The following ESR2 variants were observed in gnomAD, a reference collection of about 807,000 sequenced individuals.
The protein encoded by ESR2 is estrogen receptor beta.
In ESR2, 36 loss-of-function variants were observed where a neutral mutation model predicts 49.6. That is an observed-to-expected ratio of 0.73 (90% CI 0.56 to 0.96). ESR2 has a LOEUF of 0.96. ESR2 is among the 40% of genes least tolerant of loss of function. ESR2 has a pLI of 0.00. For synonymous variants in ESR2, 320 were observed against 266.1 expected (o/e 1.20, Z -1.97); for missense variants, 714 against 693.0 (o/e 1.03, Z -0.34).
chr14:64,273,678 A>T (rs2076495448), intron 3 of ESR2, among the ~76,000 whole-genome samples: 1 of 152,052 alleles, frequency 6.6e-6, no homozygotes, highest in South Asian at 2.1e-4. Flanking sequence ...AATCTTTTTA[A>T]CGTGTTGTTG....
Position 64,229,768 on chromosome 14 carries a change from A to T in ESR2, c.*3369T>A, listed in dbSNP as rs530497606. On this transcript the variant is annotated 3_prime_UTR_variant, in exon 9 of 9. Transcript: ENST00000341099. ...AAAATAAGGAAATAGCAGTTATTAT[A>T]ATAAGGATTAAATGTGAATGTCTGA... Among the ~76,000 whole-genome samples, 1 of 152,196 alleles carries T rather than the reference A, an allele frequency of 6.6e-6. No individual in the cohort carries two copies. The highest frequency in any genetic ancestry group is 6.5e-5 in the Admixed American group (1 of 15,290).
At chr14:64,279,513 A>G (rs1402314712) in intron 3 of ESR2, among the ~76,000 whole-genome samples, 1 of 152,234 alleles carries the variant, frequency 6.6e-6, no homozygotes, top group East Asian at 1.9e-4. Context: ...GTCTAGATCA[A>G]TTCTCAAAGT....
chr14:64,239,408 G>C (rs551836679), intron 7 of ESR2, among the ~76,000 whole-genome samples: 2 of 152,268 alleles, frequency 1.3e-5, no homozygotes, highest in South Asian at 4.2e-4. Flanking sequence ...ATGTAAAATA[G>C]GATTTCCTGG....
At chr14:64,233,561 T>C (rs971014281) in intron 8 of ESR2, 5 of 519,126 alleles carry the variant, frequency 9.6e-6, no homozygotes, top group South Asian at 3.1e-5. Context: ...GCCTGACACA[T>C]AGGACAATCA....
Position 64,249,651 on chromosome 14 carries a change from G to T in ESR2, c.1120C>A (p.Leu374Met), listed in dbSNP as rs1171165084. The part of the protein sequence containing the change: ...RDEGKCVEGI[L>M]EIFDMLLATT... ...GCCAGGAGCATGTCAAAGATTTCCA[G>T]AATTCCTTCTACGCATTTCCCCTCA... The change falls in exon 7 of 9, where the codon CTG becomes ATG. Residue 374 changes from leucine (L) to methionine (M), a missense_variant. Transcript: ENST00000341099. 1.9e-6 allele frequency: 3 copies of T among 1,613,768 alleles called. No individual in the cohort carries two copies. The African/African-American group carries it at 4.0e-5, about 22-fold the overall frequency.
At chr14:64,331,867 CAG>C (rs956277784) in intron 1 of ESR2, among the ~76,000 whole-genome samples, 15 of 149,446 alleles carry the variant, frequency 1.0e-4, no homozygotes, top group South Asian at 4.3e-4. Flanking sequence ...CAGTCTCCTT[CAG>C]AGAGTCCTTC....
chr14:64,271,475 G>A (rs2076445425), intron 3 of ESR2, among the ~76,000 whole-genome samples: 1 of 152,134 alleles, frequency 6.6e-6, no homozygotes, highest in Admixed American at 6.5e-5. Context: ...ACAGGCGCAT[G>A]CCGCCACACC....
chr14:64,292,784 A>T (rs1200037249), intron 1 of ESR2, among the ~76,000 whole-genome samples: 3 of 152,222 alleles, frequency 2.0e-5, no homozygotes, highest in African/African-American at 7.2e-5. Flanking sequence ...AATGTTAATT[A>T]TATGGTTATG....
chr14:64,246,763 A>AAAAAC (rs2075868780), intron 7 of ESR2, among the ~76,000 whole-genome samples: 2 of 144,368 alleles, frequency 1.4e-5, no homozygotes, highest in African/African-American at 5.2e-5. Flanking sequence ...AAAAAAAAAA[A>AAAAAC]AAAACACACC....
chr14:64,336,224 A>AT (rs2077530717), intron 1 of ESR2: 1 of 152,124 alleles, frequency 6.6e-6, no homozygotes, highest in African/African-American at 2.4e-5. Flanking sequence ...ACATATTAAT[A>AT]TTTTTGTAGG....
rs1201526468 is a variant in ESR2 at position 64,321,911 on chromosome 14, C to T, written c.-91+15987G>A. 3.9e-5 allele frequency among the ~76,000 whole-genome samples: 6 copies of T among 152,074 alleles called. No individual in the cohort carries two copies. In the South Asian group the frequency reaches 1.2e-3, roughly 32 times the overall value. ...ACAATAGACACTGGGGACTACCAGA[C>T]ATGGGAGAGAGGGGACATGGGATGC... On this transcript the variant is annotated intron_variant, in intron 1 of 8. Coordinates refer to the ESR2 transcript ENST00000358599.
chr14:64,251,035 T>C (rs560289725), intron 6 of ESR2, among the ~76,000 whole-genome samples: 1 of 152,234 alleles, frequency 6.6e-6, no homozygotes, highest in East Asian at 1.9e-4. Flanking sequence ...TGGAAGTCAC[T>C]CATAGGAAAA....
upstream of ESR2, among the ~76,000 whole-genome samples, chr14:64,299,324 G>A (rs1238800180): frequency 6.6e-6 from 1 of 150,514 alleles, no homozygotes; most frequent in Non-Finnish European, 1.5e-5. Flanking sequence ...ATCATGGAAA[G>A]TTACTATAAC....
chr14:64,311,856 A>G (rs1308701312), intron 1 of ESR2, among the ~76,000 whole-genome samples: 2 of 152,110 alleles, frequency 1.3e-5, no homozygotes, highest in African/African-American at 4.8e-5. Flanking sequence ...TAAATAATGA[A>G]GTTCTCCAAA....
intron 2 of ESR2, 111 bp from the exon 3 acceptor site, chr14:64,280,264 G>A (rs1355537541): frequency 1.3e-6 from 1 of 786,584 alleles, no homozygotes; most frequent in Non-Finnish European, 2.1e-6. Context: ...TTTTCCTCCA[G>A]GGTTCCTGGT....
At chr14:64,279,529 G>C (rs988353815) in intron 3 of ESR2, among the ~76,000 whole-genome samples, 4 of 152,194 alleles carry the variant, frequency 2.6e-5, no homozygotes, top group African/African-American at 9.6e-5. Context: ...AAAGTCCACT[G>C]TAGCTGAATT....
chr14:64,297,446 A>G (rs2076971670), upstream of ESR2: 1 of 152,192 alleles, frequency 6.6e-6, no homozygotes, highest in South Asian at 2.1e-4. Flanking sequence ...AGTCTTACAC[A>G]TCCCAAAGCC....
rs2098726029 is a variant in ESR2, at chr14:64,230,357, C to T, written c.*2780G>A. Reference sequence around the variant, plus strand: ...CACATGCTAGAAAATTCTAGAATTGCTTCAATTCCACTTATATACATAAAT... The same window carrying T: ...CACATGCTAGAAAATTCTAGAATTGTTTCAATTCCACTTATATACATAAAT... On this transcript the variant is annotated 3_prime_UTR_variant, in exon 9 of 9. Coordinates refer to ENST00000341099, the MANE Select transcript of ESR2 (RefSeq NM_001437.3). Among the ~76,000 whole-genome samples the T allele has an allele frequency of 6.6e-6, 1 of 152,142 alleles. No homozygotes were observed. Among genetic ancestry groups the T allele is most frequent in the South Asian group, 2.1e-4 (1 of 4,818 alleles).
At chr14:64,270,167 A>G (rs964448833) in intron 3 of ESR2, among the ~76,000 whole-genome samples, 7 of 152,254 alleles carry the variant, frequency 4.6e-5, no homozygotes, top group African/African-American at 1.7e-4. Flanking sequence ...ATGAATCTCA[A>G]TGATAAATGA....
Sources: gnomAD v4.1 joint callset for allele counts (sites outside exome capture counted in the v4.1 genomes callset) on GRCh38, gnomAD v4.1.1 for gene constraint, MANE v1.5 for transcripts, NCBI Gene and HGNC (gene_info 2026-07-23, HGNC 2026-07-21) for gene names.